Variants in RANBP17 observed in about 807,000 individuals in gnomAD.
The protein encoded by RANBP17 is RAN binding protein 17, also known as ran-binding protein 17.
Under a neutral mutation model 141.2 loss-of-function variants are expected in RANBP17, and 158 were observed. That is an observed-to-expected ratio of 1.12 (90% confidence interval 0.98 to 1.28). The LOEUF (loss-of-function observed/expected upper bound fraction) is 1.28, where lower values mean the gene tolerates loss of function less well. Among genes scored for constraint, RANBP17 ranks in the 50% most tolerant of loss-of-function variants. RANBP17 has a pLI of 0.00. For missense variants in RANBP17, 1,438 were observed against 1,290.7 expected (o/e 1.11, Z -1.75); for synonymous variants, 430 against 450.0 (o/e 0.96, Z 0.56).
intron 14 of RANBP17, among the ~76,000 whole-genome samples, chr5:171,147,948 G>A (rs1758180593): frequency 6.6e-6 from 1 of 152,182 alleles, no homozygotes; most frequent in African/African-American, 2.4e-5. Flanking sequence ...GGAATAGAAA[G>A]GCGGGAAAGG....
intron 18 of RANBP17, among the ~76,000 whole-genome samples, chr5:171,197,804 C>T (rs554986271): frequency 1.3e-5 from 2 of 152,118 alleles, no homozygotes; most frequent in South Asian, 2.1e-4. Context: ...TTTGGGAGGC[C>T]GAGGCGGGCG....
At chr5:171,243,848 T>C (rs1218882604) in intron 24 of RANBP17, among the ~76,000 whole-genome samples, 1 of 151,250 alleles carries the variant, frequency 6.6e-6, no homozygotes, top group Non-Finnish European at 1.5e-5. Context: ...CTGAGGCGGG[T>C]GGATCACCTG....
At chr5:170,914,030 G>T in intron 7 of RANBP17, 137 bp from the exon 8 acceptor site, 1 of 633,766 alleles carries the variant, frequency 1.6e-6, no homozygotes, top group Non-Finnish European at 2.8e-6. Context: ...AAATAGCTAG[G>T]AATTAAAAAT....
At chr5:171,082,846 C>T (rs1009964321) in intron 14 of RANBP17, among the ~76,000 whole-genome samples, 2 of 150,602 alleles carry the variant, frequency 1.3e-5, no homozygotes, top group Non-Finnish European at 2.9e-5. Flanking sequence ...CTTAGATAGA[C>T]TGTAGCATTT....
chr5:171,182,105 A>G (rs886250163), intron 16 of RANBP17, among the ~76,000 whole-genome samples: 7 of 152,238 alleles, frequency 4.6e-5, no homozygotes, highest in South Asian at 2.1e-4. Context: ...TGCAGAGGCA[A>G]TAGACTGAGG....
At chr5:171,165,647 C>T (rs1221522960) in intron 14 of RANBP17, among the ~76,000 whole-genome samples, 1 of 152,156 alleles carries the variant, frequency 6.6e-6, no homozygotes, top group Non-Finnish European at 1.5e-5. Flanking sequence ...TGTTCTAAGA[C>T]AATATACCAC....
intron 22 of RANBP17, among the ~76,000 whole-genome samples, chr5:171,238,614 T>G (rs1250644863): frequency 1.3e-5 from 2 of 152,172 alleles, no homozygotes; most frequent in Admixed American, 6.5e-5. Flanking sequence ...TTTCATCACA[T>G]GGGTATACAG....
chr5:171,175,626 A>C (rs1441481115), intron 16 of RANBP17, among the ~76,000 whole-genome samples: 2 of 152,172 alleles, frequency 1.3e-5, no homozygotes, highest in Non-Finnish European at 2.9e-5. Context: ...GAAGGATAGG[A>C]ACAGACACTT....
At position 171,069,627 on chromosome 5, in the gene RANBP17, A is replaced by C. The variant is rs1466637215; in HGVS notation, c.1711-100503A>C. On this transcript the variant is annotated intron_variant, in intron 14 of 27. Coordinates refer to ENST00000523189, the MANE Select transcript of RANBP17 (RefSeq NM_022897.5). The stretch of plus-strand genomic sequence containing the variant: ...TTTCAGTACAGTGTTCAATAAATTA[A>C]TGAGGTATTCAACACTGTGTTATAA... Among the ~76,000 whole-genome samples, 13 of 152,344 alleles carry C rather than the reference A, an allele frequency of 8.5e-5. No homozygotes were observed. In the East Asian group the frequency reaches 1.9e-3, roughly 23 times the overall value.
chr5:171,241,084 A>T lies in RANBP17; in HGVS notation c.2579A>T (p.Asp860Val), dbSNP rs767586821. Residue 860 changes from aspartate to valine, a missense_variant, in exon 23 of 28, where the codon GAC becomes GTC. Coordinates refer to ENST00000523189, the MANE Select transcript of RANBP17 (RefSeq NM_022897.5). ...VFKLYGDNHFDNVLQAFVKML... is the reference protein window; with the variant it reads ...VFKLYGDNHFVNVLQAFVKML... ...AAGTTGTATGGGGACAACCATTTTG[A>T]CAATGTACTCCAGGCTTTTGTCAAA... 2 of 1,613,748 alleles carry T rather than the reference A, an allele frequency of 1.2e-6. No individual in the cohort carries two copies. The highest frequency in any genetic ancestry group is 3.3e-5 in the Admixed American group (2 of 59,960).
intron 12 of RANBP17, among the ~76,000 whole-genome samples, chr5:170,952,243 T>G (rs529352987): frequency 2.0e-5 from 3 of 152,042 alleles, no homozygotes; most frequent in Non-Finnish European, 2.9e-5. Context: ...GTTTTTGATC[T>G]GTTACGTTTT....
At chr5:170,940,201 G>A (rs372486820) in intron 12 of RANBP17, among the ~76,000 whole-genome samples, 109 of 152,214 alleles carry the variant, frequency 7.2e-4, no homozygotes, top group African/African-American at 2.5e-3. Flanking sequence ...TTTAAAATGT[G>A]CTATGCAAAT....
intron 25 of RANBP17, among the ~76,000 whole-genome samples, chr5:171,292,474 A>G (rs1411951605): frequency 6.6e-6 from 1 of 152,202 alleles, no homozygotes; most frequent in African/African-American, 2.4e-5. Context: ...AGAGAAGTTC[A>G]GTAACTTGCC....
intron 14 of RANBP17, among the ~76,000 whole-genome samples, chr5:171,006,121 A>G (rs1779583518): frequency 6.6e-6 from 1 of 152,228 alleles, no homozygotes; most frequent in Non-Finnish European, 1.5e-5. Flanking sequence ...GATGTGGAGA[A>G]ATAGGAACAG....
intron 14 of RANBP17, among the ~76,000 whole-genome samples, chr5:171,075,458 A>G (rs1321299341): frequency 3.3e-5 from 5 of 152,226 alleles, no homozygotes; most frequent in Admixed American, 2.0e-4. Context: ...CATGTGTTAT[A>G]TAGATTTCAT....
chr5:171,113,685 C>T (rs1439976189), intron 14 of RANBP17, among the ~76,000 whole-genome samples: 1 of 152,096 alleles, frequency 6.6e-6, no homozygotes, highest in African/African-American at 2.4e-5. Context: ...AGGATTCAGA[C>T]CTAGGCACTT....
intron 14 of RANBP17, among the ~76,000 whole-genome samples, chr5:170,985,470 C>G (rs1260754572): frequency 6.6e-6 from 1 of 152,166 alleles, no homozygotes; most frequent in Non-Finnish European, 1.5e-5. Flanking sequence ...AATTCCCTTT[C>G]TCTCTTCCAT....
chr5:171,246,411 TAA>T (rs1359066919), intron 24 of RANBP17, among the ~76,000 whole-genome samples: 5 of 152,232 alleles, frequency 3.3e-5, no homozygotes, highest in Non-Finnish European at 5.9e-5. Flanking sequence ...CTCTGGGCAG[TAA>T]ACTTGAGCAA....
At chr5:171,121,576 C>A (rs1756035365) in intron 14 of RANBP17, among the ~76,000 whole-genome samples, 2 of 152,186 alleles carry the variant, frequency 1.3e-5, no homozygotes, top group Admixed American at 1.3e-4. Flanking sequence ...CCACTCAGGG[C>A]AGAACATGCA....
Sources: allele counts gnomAD v4.1 joint callset (sites outside exome capture counted in the v4.1 genomes callset), GRCh38; gene constraint gnomAD v4.1.1; transcripts MANE v1.5; gene names NCBI Gene and HGNC (gene_info 2026-07-23, HGNC 2026-07-21).